The following BRINP3 variants were observed in gnomAD, a reference collection of about 807,000 sequenced individuals.
BRINP3 encodes the protein BMP/retinoic acid-inducible neural-specific protein 3.
A neutral mutation model predicts 71.0 loss-of-function variants in BRINP3; 19 were observed. That is an observed-to-expected ratio of 0.27 (90% CI 0.19 to 0.39). The LOEUF (loss-of-function observed/expected upper bound fraction) is 0.39, where lower values mean the gene tolerates loss of function less well. BRINP3 is among the 10% of genes least tolerant of loss of function. The pLI is 1.00. For missense variants in BRINP3, 959 were observed against 940.8 expected (o/e 1.02, Z -0.25); for synonymous variants, 380 against 337.7 (o/e 1.13, Z -1.37).
At chr1:190,345,930 T>G (rs1435511285) in intron 2 of BRINP3, among the ~76,000 whole-genome samples, 1 of 151,884 alleles carries the variant, frequency 6.6e-6, no homozygotes, top group African/African-American at 2.4e-5. Context: ...AAAATAAAGA[T>G]AGCTTAAATA....
At chr1:190,192,808 T>G (rs1015004262) in intron 6 of BRINP3, among the ~76,000 whole-genome samples, 2 of 152,128 alleles carry the variant, frequency 1.3e-5, no homozygotes, top group African/African-American at 4.8e-5. Flanking sequence ...TAAAACTGGT[T>G]GGGCTTTGAT....
At chr1:190,170,810 A>T (rs1651944158) in intron 6 of BRINP3, among the ~76,000 whole-genome samples, 1 of 152,320 alleles carries the variant, frequency 6.6e-6, no homozygotes, top group East Asian at 1.9e-4. Flanking sequence ...AAGCAAAATT[A>T]GTAGTACATA....
intron 2 of BRINP3, among the ~76,000 whole-genome samples, chr1:190,391,157 G>T (rs1571931586): frequency 1.3e-5 from 2 of 151,664 alleles, no homozygotes; most frequent in African/African-American, 4.8e-5. Context: ...GGATCTGGGG[G>T]AGATTATTTT....
chr1:190,165,494 G>A (rs1403910493), intron 6 of BRINP3, among the ~76,000 whole-genome samples: 1 of 103,356 alleles, frequency 9.7e-6, no homozygotes, highest in African/African-American at 4.0e-5. Context: ...GTGTGTGTGT[G>A]TTTTGCTGTT....
chr1:190,224,890 A>G (rs1317586112), intron 6 of BRINP3, among the ~76,000 whole-genome samples: 1 of 152,064 alleles, frequency 6.6e-6, no homozygotes, highest in East Asian at 1.9e-4. Flanking sequence ...AAACAGATAT[A>G]TGAAATAATG....
intron 7 of BRINP3, among the ~76,000 whole-genome samples, chr1:190,111,182 T>A (rs1240031961): frequency 2.8e-4 from 17 of 61,796 alleles, no homozygotes; most frequent in Admixed American, 7.1e-4. Context: ...AAGACTCCAT[T>A]AAAAAAAAAA....
rs571171568 is a variant in BRINP3 at position 190,212,913 on chromosome 1, G to A, written c.961+13169C>T. 5.3e-5 allele frequency among the ~76,000 whole-genome samples: 8 copies of A among 152,142 alleles called. No individual in the cohort carries two copies. In the South Asian group the frequency reaches 1.7e-3, roughly 31 times the overall value. On this transcript the variant is annotated intron_variant, in intron 6 of 7. Coordinates refer to ENST00000367462, the MANE Select transcript of BRINP3 (RefSeq NM_199051.3). ...GATTATATTATTTTAAGATTTTATGGTTGTTTATTATTGCAAATTGATTTT... is the reference window on the plus strand; with the variant it reads ...GATTATATTATTTTAAGATTTTATGATTGTTTATTATTGCAAATTGATTTT...
At chr1:190,417,192 T>G (rs1403051247) in intron 2 of BRINP3, among the ~76,000 whole-genome samples, 1 of 152,012 alleles carries the variant, frequency 6.6e-6, no homozygotes, top group Non-Finnish European at 1.5e-5. Flanking sequence ...TAAAACTCGT[T>G]TAAGAGGTGA....
chr1:190,461,051 G>A (rs1676364142), intron 1 of BRINP3, among the ~76,000 whole-genome samples: 1 of 152,136 alleles, frequency 6.6e-6, no homozygotes, highest in African/African-American at 2.4e-5. Context: ...CAGTCAGAGT[G>A]ATCTTACTAA....
intron 2 of BRINP3, among the ~76,000 whole-genome samples, chr1:190,326,607 C>A (rs1165634410): frequency 6.6e-6 from 1 of 151,976 alleles, no homozygotes; most frequent in Non-Finnish European, 1.5e-5. Flanking sequence ...GACTTCTCAG[C>A]AGAAACATTA....
At chr1:190,182,020 T>G (rs773717714) in intron 6 of BRINP3, among the ~76,000 whole-genome samples, 9 of 152,000 alleles carry the variant, frequency 5.9e-5, no homozygotes, top group Non-Finnish European at 8.8e-5. Context: ...TTGAAAAATG[T>G]CACTTCCTTC....
chr1:190,368,528 T>C (rs917273862), intron 2 of BRINP3, among the ~76,000 whole-genome samples: 7 of 152,224 alleles, frequency 4.6e-5, no homozygotes, highest in Admixed American at 6.5e-5. Context: ...CCTAGGACTT[T>C]CCTGGGCCTT....
chr1:190,098,640 G>C lies in BRINP3; in HGVS notation c.1679C>G (p.Thr560Ser). ...ILGLSLQICLTKNSTLEPVLA... is the reference protein window; with the variant it reads ...ILGLSLQICLSKNSTLEPVLA... ...CACTGGCTCCAAGGTGCTGTTTTTA[G>C]TTAAGCAAATCTGTAAAGAGAGACC... The change falls in exon 8 of 8, where the codon ACT becomes AGT. Residue 560 changes from threonine (T) to serine (S), a missense_variant. Coordinates refer to ENST00000367462, the MANE Select transcript of BRINP3 (RefSeq NM_199051.3). 6.2e-7 allele frequency: 1 copy of C among 1,614,138 alleles called. No homozygotes were observed. Among genetic ancestry groups the C allele is most frequent in the Non-Finnish European group, 8.5e-7 (1 of 1,180,022 alleles).
chr1:190,168,422 C>T (rs1041105041), intron 6 of BRINP3, among the ~76,000 whole-genome samples: 1 of 151,974 alleles, frequency 6.6e-6, no homozygotes, highest in African/African-American at 2.4e-5. Flanking sequence ...TGGTATGCTA[C>T]AATATTCTGG....
At chr1:190,448,463 TTG>T (rs67524700) in intron 2 of BRINP3, among the ~76,000 whole-genome samples, 5,096 of 124,828 alleles carry the variant, frequency 0.041, 116 homozygotes, top group Middle Eastern at 0.087. Context: ...CACTTGGGGT[TTG>T]TGTGTGTGTG....
intron 3 of BRINP3, among the ~76,000 whole-genome samples, chr1:190,275,631 T>C (rs1464699523): frequency 6.6e-6 from 1 of 151,624 alleles, no homozygotes; most frequent in African/African-American, 2.4e-5. Context: ...AGTAACTCAG[T>C]ATATATTTGT....
chr1:190,244,490 C>A (rs1456544379), intron 4 of BRINP3, among the ~76,000 whole-genome samples: 4 of 151,998 alleles, frequency 2.6e-5, no homozygotes, highest in Admixed American at 2.6e-4. Flanking sequence ...CTTTCTTTGA[C>A]AGAGTAACTA....
At position 190,120,581 on chromosome 1, in the gene BRINP3, C is replaced by T. The variant is rs576587148; in HGVS notation, c.1185-21447G>A. Among the ~76,000 whole-genome samples, 84 of 152,030 alleles carry T rather than the reference C, an allele frequency of 5.5e-4. 1 individual carries two copies. Among genetic ancestry groups the T allele is most frequent in the South Asian group, 3.1e-3 (15 of 4,816 alleles). On this transcript the variant is annotated intron_variant, in intron 7 of 7. Transcript: ENST00000367462. ...TGCAATCTTGGCTCACTGCCACCTC[C>T]GCCTCCCGGGTTCAAGCAATTCTCT...
In BRINP3 at chr1:190,454,606, C is replaced by A. The variant is rs770788716; in HGVS notation, c.236+49G>T. 10 of 1,503,048 alleles carry A rather than the reference C, an allele frequency of 6.7e-6. No individual in the cohort carries two copies. The African/African-American group carries it at 8.3e-5, about 12-fold the overall frequency. 93.1% of individuals were successfully genotyped at this position (1,503,048 alleles called of 1,614,324 possible). A position where few individuals can be genotyped will look rare whatever the true frequency, so the allele number is the denominator to read the frequency against. On this transcript the variant is annotated intron_variant, in intron 2 of 7. Transcript: ENST00000367462. The stretch of plus-strand genomic sequence containing the variant: ...TCCCTTAGAGAAACTTATGTATACA[C>A]AACCTTCAAGGATGATATTTCTGTA...
Sources: gnomAD v4.1 joint callset for allele counts (sites outside exome capture counted in the v4.1 genomes callset) on GRCh38, gnomAD v4.1.1 for gene constraint, MANE v1.5 for transcripts, NCBI Gene and HGNC (gene_info 2026-07-23, HGNC 2026-07-21) for gene names.